USP47: variants seen among roughly 807,000 people sequenced by gnomAD.
USP47 encodes the protein ubiquitin specific peptidase 47.
In USP47, 35 loss-of-function variants were observed where a neutral mutation model predicts 165.1. The ratio of observed to expected loss-of-function variants is 0.21; its 90% CI spans 0.16 to 0.28. The LOEUF (loss-of-function observed/expected upper bound fraction) is 0.28. USP47 is among the 10% of genes least tolerant of loss of function. USP47 has a pLI of 1.00. For synonymous variants in USP47, 531 were observed against 544.5 expected, an observed-to-expected ratio of 0.98 and a Z score of 0.35; for missense variants, 1,277 against 1,607.4, an observed-to-expected ratio of 0.79 and a Z score of 3.52.
chr11:11,867,359 A>G (rs573138962), intron 1 of USP47, among the ~76,000 whole-genome samples: 15 of 152,174 alleles, frequency 9.9e-5, no homozygotes, highest in Non-Finnish European at 1.9e-4. Flanking sequence ...TTCAGGATAG[A>G]TATTAGGTCT....
intron 5 of USP47, among the ~76,000 whole-genome samples, chr11:11,902,295 A>G (rs1448957695): frequency 6.6e-6 from 1 of 151,954 alleles, no homozygotes; most frequent in Non-Finnish European, 1.5e-5. Context: ...CAAAAAATAG[A>G]AAGAAAACTG....
chr11:11,865,845 T>C (rs1457938570), intron 1 of USP47, among the ~76,000 whole-genome samples: 1 of 152,174 alleles, frequency 6.6e-6, no homozygotes, highest in African/African-American at 2.4e-5. Flanking sequence ...ATGTTTAAGT[T>C]CTTTGTCCAT....
chr11:11,850,733 CA>C, intron 1 of USP47, among the ~76,000 whole-genome samples: 1 of 152,240 alleles, frequency 6.6e-6, no homozygotes, highest in East Asian at 1.9e-4. Flanking sequence ...GCTGCAAAAA[CA>C]AAATACCATA....
At chr11:11,947,192 T>C (rs1188019643) in intron 20 of USP47, among the ~76,000 whole-genome samples, 3 of 152,100 alleles carry the variant, frequency 2.0e-5, no homozygotes, top group Non-Finnish European at 4.4e-5. Flanking sequence ...CTTATAAAAT[T>C]AGGGACAAAA....
chr11:11,900,670 A>G (rs1852168391), intron 5 of USP47, among the ~76,000 whole-genome samples: 1 of 152,226 alleles, frequency 6.6e-6, no homozygotes, highest in African/African-American at 2.4e-5. Context: ...CAGTGGTTAC[A>G]TTTCAGATTG....
intron 1 of USP47, among the ~76,000 whole-genome samples, chr11:11,867,551 C>A (rs528880970): frequency 5.9e-5 from 9 of 152,066 alleles, no homozygotes; most frequent in African/African-American, 2.2e-4. Context: ...TGCTCAGACT[C>A]AATTTTGAAC....
intron 8 of USP47, among the ~76,000 whole-genome samples, chr11:11,918,769 A>C (rs1000427592): frequency 6.6e-6 from 1 of 151,984 alleles, no homozygotes; most frequent in Non-Finnish European, 1.5e-5. Context: ...AATTTGAGTT[A>C]CATAATTATC....
rs1848149679 is a variant in USP47 at position 11,842,062 on chromosome 11, C to G, written c.-124C>G. 1 of 1,264,972 alleles carries G rather than the reference C, an allele frequency of 7.9e-7. No individual in the cohort carries two copies. Among genetic ancestry groups the G allele is most frequent in the Non-Finnish European group, 1.1e-6 (1 of 912,410 alleles). 78.4% of individuals were successfully genotyped at this position (1,264,972 alleles called of 1,614,324 possible). On this transcript the variant is annotated 5_prime_UTR_variant, in exon 1 of 28. Coordinates refer to ENST00000527733, the MANE Select transcript of USP47 (RefSeq NM_001282659.2). ...TGTCTGAGGCCCAGGCTGAGGCCTCCGCTATTGCTGGAGCGCAGGCGGCGG... is the reference window on the plus strand; with the variant it reads ...TGTCTGAGGCCCAGGCTGAGGCCTCGGCTATTGCTGGAGCGCAGGCGGCGG...
rs1045678540 is a variant in USP47, at chr11:11,943,212, C to A, written c.3091+100C>A. ...AGTGTTAGGTACTTAGTTCTAAGAT[C>A]ATTTGTAACTTTCTGGATTATAAGA... On this transcript the variant is annotated intron_variant, in intron 20 of 27. Coordinates refer to ENST00000527733, the MANE Select transcript of USP47 (RefSeq NM_001282659.2). The A allele has an allele frequency of 6.1e-6, 8 of 1,314,498 alleles. No homozygotes were observed. The African/African-American group carries it at 1.0e-4, about 17-fold the overall frequency. 81.4% of individuals were successfully genotyped at this position (1,314,498 alleles called of 1,614,324 possible). A position where few individuals can be genotyped will look rare whatever the true frequency, so the allele number is the denominator to read the frequency against.
At chr11:11,917,650 G>A (rs1187131405) in intron 8 of USP47, among the ~76,000 whole-genome samples, 1 of 146,232 alleles carries the variant, frequency 6.8e-6, no homozygotes, top group Non-Finnish European at 1.5e-5. Flanking sequence ...CAGGGTGGGG[G>A]TGGGTGGGAA....
At chr11:11,902,930 A>G (rs1057283809) in intron 6 of USP47, 70 bp downstream of exon 6, 5 of 1,401,760 alleles carry the variant, frequency 3.6e-6, no homozygotes, top group Non-Finnish European at 4.7e-6. Context: ...AATATTACAA[A>G]CACATTACAC....
intron 1 of USP47, among the ~76,000 whole-genome samples, chr11:11,855,063 C>A (rs1253785815): frequency 3.3e-5 from 5 of 151,502 alleles, no homozygotes; most frequent in African/African-American, 1.2e-4. Context: ...TCACTGCACT[C>A]CAGCCTGGGC....
At position 11,942,860 on chromosome 11, in the gene USP47, A is replaced by G; in HGVS notation, c.2839A>G (p.Ser947Gly). Residue 947 changes from serine (S) to glycine (G), a missense_variant, in exon 20 of 28, where the codon AGC (serine) becomes GGC (glycine). Around this residue, in one of 4 missense-constraint regions of USP47, gnomAD observed 909 missense variants for 1,068.1 expected, o/e 0.85. Transcript: ENST00000527733. The stretch of plus-strand genomic sequence containing the variant: ...CAGTGATATTCTTAGCTCCAGTCAT[A>G]GCAGTGATACTTTGTGCAATGCAGA... ...VDSDILSSSH[S>G]SDTLCNADNA... 1 of 1,613,796 alleles carries G rather than the reference A, an allele frequency of 6.2e-7. No individual in the cohort carries two copies. Among genetic ancestry groups the G allele is most frequent in the Non-Finnish European group, 8.5e-7 (1 of 1,179,776 alleles).
intron 1 of USP47, among the ~76,000 whole-genome samples, chr11:11,855,260 T>G (rs994676736): frequency 6.6e-6 from 1 of 152,246 alleles, no homozygotes; most frequent in Non-Finnish European, 1.5e-5. Flanking sequence ...TTATTAGGAT[T>G]CAGTGCGAAA....
At chr11:11,902,942 T>G in intron 6 of USP47, 82 bp downstream of exon 6, 2 of 1,365,334 alleles carry the variant, frequency 1.5e-6, no homozygotes, top group Non-Finnish European at 1.9e-6. Flanking sequence ...ACATTACACA[T>G]AATTACCTTT....
At chr11:11,891,329 CAA>C (rs1851499761) in intron 3 of USP47, among the ~76,000 whole-genome samples, 1 of 152,178 alleles carries the variant, frequency 6.6e-6, no homozygotes, top group African/African-American at 2.4e-5. Flanking sequence ...TTGTGATTAA[CAA>C]TGCCTGTCTG....
At chr11:11,913,748 A>T (rs755161098) in intron 8 of USP47, among the ~76,000 whole-genome samples, 3 of 152,130 alleles carry the variant, frequency 2.0e-5, no homozygotes, top group Non-Finnish European at 4.4e-5. Flanking sequence ...TGTATTTCAA[A>T]ATAGCTAGAA....
In USP47 at chr11:11,936,472, G is replaced by A. The variant is rs1855080245; in HGVS notation, c.2039G>A (p.Arg680Lys). ...ATGTTTGATCTGCTGTTGGAGACGA[G>A]AAAGCCTGATCAGGTTTTCCAATCT... ...TYMFDLLLET[R>K]KPDQVFQSYK... is the part of the protein sequence containing the mutation. The change falls in exon 17 of 28, where the codon AGA becomes AAA. Residue 680 changes from arginine (R) to lysine (K), a missense_variant. Physicochemically the swap from Arg to Lys is conservative, Grantham distance 26. Transcript: ENST00000527733. The A allele has an allele frequency of 6.3e-7, 1 of 1,598,644 alleles. No homozygotes were observed. Among genetic ancestry groups the A allele is most frequent in the African/African-American group, 1.3e-5 (1 of 74,520 alleles).
intron 1 of USP47, among the ~76,000 whole-genome samples, chr11:11,847,703 T>C (rs71478983): frequency 2.6e-5 from 4 of 152,226 alleles, no homozygotes; most frequent in Non-Finnish European, 4.4e-5. Flanking sequence ...CTAATTATTG[T>C]TATTTTCTCC....
Sources: allele counts gnomAD v4.1 joint callset (sites outside exome capture counted in the v4.1 genomes callset), GRCh38; gene constraint gnomAD v4.1.1; regional missense constraint gnomAD v4.1.1; transcripts MANE v1.5; gene names NCBI Gene and HGNC (gene_info 2026-07-23, HGNC 2026-07-21).